ANAPC7: variants seen among roughly 807,000 people sequenced by gnomAD.
The protein encoded by ANAPC7 is anaphase promoting complex subunit 7.
ANAPC7 carries 25 observed loss-of-function variants against 63.3 expected under a neutral mutation model. That is an observed-to-expected ratio of 0.39 (90% CI 0.29 to 0.55). The LOEUF (loss-of-function observed/expected upper bound fraction) is 0.55, where lower values mean the gene tolerates loss of function less well. Ranked by LOEUF, ANAPC7 falls within the 20% of genes least tolerant of loss-of-function variation. The probability of loss-of-function intolerance (pLI) is 0.57; values close to 1 mark genes in which losing one functional copy is unlikely to be tolerated. For synonymous variants in ANAPC7, 241 were observed against 251.7 expected (o/e 0.96, Z 0.40); for missense variants, 516 against 691.7 (o/e 0.75, Z 2.85).
chr12:110,399,651 T>G (rs2062196832), intron 1 of ANAPC7, among the ~76,000 whole-genome samples: 1 of 151,956 alleles, frequency 6.6e-6, no homozygotes. Context: ...TGTGGCCATG[T>G]GCGGTGGCTT....
chr12:110,402,294 G>A (rs189878414), intron 1 of ANAPC7, among the ~76,000 whole-genome samples: 110 of 152,222 alleles, frequency 7.2e-4, no homozygotes, highest in African/African-American at 2.5e-3. Context: ...TTTGCCTTCA[G>A]AGGCCATGGG....
chr12:110,386,193 G>C, intron 6 of ANAPC7, 134 bp downstream of exon 6: 1 of 1,330,662 alleles, frequency 7.5e-7, no homozygotes, highest in Non-Finnish European at 1.0e-6. Context: ...CCTAAAAAAA[G>C]TAAAAGACTA....
chr12:110,403,223 G>A (rs1196954582), intron 1 of ANAPC7, among the ~76,000 whole-genome samples: 1 of 152,226 alleles, frequency 6.6e-6, no homozygotes, highest in Admixed American at 6.5e-5. Flanking sequence ...CTAGCGATGT[G>A]ACAGTCGCGC....
chr12:110,390,627 T>A lies in ANAPC7; in HGVS notation c.409-2004A>T, dbSNP rs1282531723. 3.9e-5 allele frequency among the ~76,000 whole-genome samples: 6 copies of A among 152,224 alleles called. No individual in the cohort carries two copies. The East Asian group carries it at 1.2e-3, about 29-fold the overall frequency. ...TTCAAACAATGGAATAATGAAATAC[T>A]AAAAATAAAACTATTTTTTACTTGG... On this transcript the variant is annotated intron_variant, in intron 3 of 10. Coordinates refer to ENST00000455511, the MANE Select transcript of ANAPC7 (RefSeq NM_016238.3).
intron 3 of ANAPC7, among the ~76,000 whole-genome samples, chr12:110,391,821 G>A (rs181879395): frequency 1.8e-3 from 280 of 152,294 alleles, no homozygotes; most frequent in Non-Finnish European, 2.9e-3. Flanking sequence ...TTGGCCGGGC[G>A]TGGTGGCTCA....
chr12:110,402,212 AGAATAGCCAGGGAGGCTAGAGAGCAGT>A (rs1273430802), intron 1 of ANAPC7, among the ~76,000 whole-genome samples: 55 of 152,332 alleles, frequency 3.6e-4, no homozygotes, highest in African/African-American at 1.2e-3. Context: ...AACAAATAAC[AGAATAGCCAGGGAGGCTAGAGAGCAGT>A]GAACAGAGTA....
intron 2 of ANAPC7, among the ~76,000 whole-genome samples, chr12:110,395,541 C>T (rs1004974097): frequency 7.2e-5 from 11 of 152,176 alleles, no homozygotes; most frequent in Middle Eastern, 3.4e-3. Flanking sequence ...CCTCCTACCT[C>T]CGCCTCTGGA....
chr12:110,396,755 T>A (rs1385821077), intron 1 of ANAPC7, among the ~76,000 whole-genome samples: 1 of 151,890 alleles, frequency 6.6e-6, no homozygotes, highest in African/African-American at 2.4e-5. Flanking sequence ...CCTCAAGTGA[T>A]CTACCTGCGT....
At chr12:110,387,385 G>GAC (rs1882681567) in intron 5 of ANAPC7, 1 of 10,662 alleles carries the variant, frequency 9.4e-5, no homozygotes, top group Non-Finnish European at 2.2e-4. Context: ...GAGAGAGACA[G>GAC]AGAGAGAGAG....
In ANAPC7 at chr12:110,403,550, TAAC is replaced by T; in HGVS notation, c.75_77del (p.Leu27del). On this transcript the variant is annotated inframe_deletion, in exon 1 of 11. Coordinates refer to ENST00000455511, the MANE Select transcript of ANAPC7 (RefSeq NM_016238.3). ...ACGGGTTGTTATTACTCATTGTAAG[TAAC>T]AAGCTGCTGAGGAGCCGCACGTTGG... 1 of 1,606,126 alleles carries T rather than the reference TAAC, an allele frequency of 6.2e-7. No homozygotes were observed. The highest frequency in any genetic ancestry group is 8.5e-7 in the Non-Finnish European group (1 of 1,176,960).
chr12:110,395,681 G>C (rs1883510687), intron 2 of ANAPC7, among the ~76,000 whole-genome samples: 1 of 151,842 alleles, frequency 6.6e-6, no homozygotes, highest in Non-Finnish European at 1.5e-5. Flanking sequence ...TGGGACTACA[G>C]GCATCCACCA....
intron 1 of ANAPC7, 145 bp downstream of exon 1, chr12:110,403,382 G>T (rs907098752): frequency 1.2e-6 from 1 of 860,658 alleles, no homozygotes; most frequent in African/African-American, 1.7e-5. Context: ...AGTCTGCTCC[G>T]CTCCAGGACG....
chr12:110,381,213 T>C (rs529902000), intron 8 of ANAPC7, among the ~76,000 whole-genome samples: 2 of 152,134 alleles, frequency 1.3e-5, no homozygotes, highest in African/African-American at 4.8e-5. Flanking sequence ...TGTCTGCACA[T>C]TGGTAACCCC....
rs1491269435 is a variant in ANAPC7 at position 110,389,102 on chromosome 12, A to AC, written c.409-480_409-479insG. Among the ~76,000 whole-genome samples, 396 of 143,910 alleles carry AC rather than the reference A, an allele frequency of 2.8e-3. 1 individual carries two copies. The highest frequency in any genetic ancestry group is 0.018 in the Middle Eastern group (5 of 278). The allele number at this position is 143,910 out of a possible 152,430, so 94.4% of individuals were successfully genotyped here. The stretch of plus-strand genomic sequence containing the variant: ...ATCTTAAAAAAAAAAAAAAAAAAAA[A>AC]GAAAAGAAAAGAAATTACTACCCTT... On this transcript the variant is annotated intron_variant, in intron 3 of 10. Coordinates refer to ENST00000455511, the MANE Select transcript of ANAPC7 (RefSeq NM_016238.3).
chr12:110,383,104 T>C, intron 6 of ANAPC7, 144 bp from the exon 7 acceptor site: 3 of 593,896 alleles, frequency 5.1e-6, no homozygotes, highest in Middle Eastern at 4.8e-4. Flanking sequence ...CACAGGCTCC[T>C]CCAACTACTA....
chr12:110,399,235 T>A (rs1036646682), intron 1 of ANAPC7, among the ~76,000 whole-genome samples: 2 of 151,864 alleles, frequency 1.3e-5, no homozygotes, highest in Non-Finnish European at 2.9e-5. Context: ...TGGCCATCGC[T>A]GGTCTCAAAC....
intron 1 of ANAPC7, among the ~76,000 whole-genome samples, chr12:110,401,965 A>C (rs2062235987): frequency 6.6e-6 from 1 of 150,556 alleles, no homozygotes; most frequent in African/African-American, 2.4e-5. Context: ...AAAAAAAAAA[A>C]AAAAAAAAAA....
intron 6 of ANAPC7, among the ~76,000 whole-genome samples, chr12:110,385,527 C>T (rs1186424281): frequency 6.6e-6 from 1 of 152,188 alleles, no homozygotes; most frequent in Non-Finnish European, 1.5e-5. Context: ...ACTAGTATTT[C>T]TAAAACATCA....
intron 5 of ANAPC7, 157 bp from the exon 6 acceptor site, chr12:110,386,626 T>A: frequency 1.5e-6 from 1 of 664,276 alleles, no homozygotes; most frequent in Non-Finnish European, 2.5e-6. Flanking sequence ...TAAAAAAAGT[T>A]ATATAGGACA....
Sources: gnomAD v4.1 joint callset for allele counts (sites outside exome capture counted in the v4.1 genomes callset) on GRCh38, gnomAD v4.1.1 for gene constraint, MANE v1.5 for transcripts, NCBI Gene and HGNC (gene_info 2026-07-23, HGNC 2026-07-21) for gene names.